Variants in ADD3 observed in about 807,000 individuals in gnomAD.
ADD3 encodes adducin 3, also known as gamma-adducin.
A neutral mutation model predicts 80.2 loss-of-function variants in ADD3; 25 were observed. That is an observed-to-expected ratio of 0.31 (90% confidence interval 0.23 to 0.44). The LOEUF is 0.44. ADD3 is among the 20% of genes least tolerant of loss of function. The pLI, the probability that ADD3 is intolerant of heterozygous loss-of-function variation, is 1.00. For synonymous variants in ADD3, 284 were observed against 289.6 expected (o/e 0.98, Z 0.20); for missense variants, 829 against 847.5 (o/e 0.98, Z 0.27).
chr10:110,095,112 C>G (rs1564967554), intron 1 of ADD3, among the ~76,000 whole-genome samples: 6 of 152,172 alleles, frequency 3.9e-5, no homozygotes, highest in Non-Finnish European at 8.8e-5. Flanking sequence ...CTTAATTCAG[C>G]CCCCATTTAT....
Position 110,124,142 on chromosome 10 carries a change from T to G in ADD3, c.1269T>G (p.Ser423=). The G allele has an allele frequency of 6.2e-7, 1 of 1,614,112 alleles. No homozygotes were observed. The highest frequency in any genetic ancestry group is 8.5e-7 in the Non-Finnish European group (1 of 1,180,006). The part of the protein sequence containing the change: ...FSFEDDTVPL[S]PLKYMAQRQQ... ...TTGAAGACGATACAGTGCCACTCTC[T>G]CCTCTCAAATACATGGCACAGAGGC... The change falls in exon 10 of 15, where the codon TCT becomes TCG. Residue 423 remains serine (S), a synonymous_variant. Transcript: ENST00000356080.
At chr10:110,131,567 A>G (rs1852998930) in intron 13 of ADD3, among the ~76,000 whole-genome samples, 1 of 152,272 alleles carries the variant, frequency 6.6e-6, no homozygotes. Context: ...TCATTTAGGA[A>G]GAACTAATGA....
chr10:110,109,697 T>C (rs1426065442), intron 2 of ADD3, among the ~76,000 whole-genome samples: 2 of 152,224 alleles, frequency 1.3e-5, no homozygotes, highest in African/African-American at 4.8e-5. Context: ...AAAGAGCAGA[T>C]TGGCCCATTG....
intron 4 of ADD3, 76 bp downstream of exon 4, chr10:110,116,486 T>C: frequency 6.8e-7 from 1 of 1,463,272 alleles, no homozygotes; most frequent in Non-Finnish European, 9.4e-7. Flanking sequence ...TACCTTTACC[T>C]GGAAGTCCAG....
At chr10:110,006,402 C>T (rs937707164), upstream of ADD3, among the ~76,000 whole-genome samples, 1 of 151,982 alleles carries the variant, frequency 6.6e-6, no homozygotes, top group African/African-American at 2.4e-5. Flanking sequence ...CATTTTTTTG[C>T]TTTTTAAATG....
intron 1 of ADD3, among the ~76,000 whole-genome samples, chr10:110,013,469 A>G (rs1009944697): frequency 3.9e-5 from 6 of 152,184 alleles, no homozygotes; most frequent in African/African-American, 1.2e-4. Flanking sequence ...TGCAATTTCC[A>G]TAGGATAAAC....
chr10:110,084,519 T>C (rs930816476), intron 1 of ADD3, among the ~76,000 whole-genome samples: 11 of 152,240 alleles, frequency 7.2e-5, no homozygotes, highest in Non-Finnish European at 1.5e-4. Context: ...TACAGTCTTA[T>C]GTATCTCATT....
chr10:110,003,302 G>GGGGTGGGTGTGTGTGT (rs140966434), upstream of ADD3, among the ~76,000 whole-genome samples: 1 of 146,942 alleles, frequency 6.8e-6, no homozygotes, highest in African/African-American at 2.6e-5. Flanking sequence ...GAACAGTAAG[G>GGGGTGGGTGTGTGTGT]GTGTGTGTGT....
chr10:110,076,518 T>A (rs572960274), intron 1 of ADD3, among the ~76,000 whole-genome samples: 73 of 152,290 alleles, frequency 4.8e-4, no homozygotes, highest in Non-Finnish European at 8.4e-4. Flanking sequence ...TAGTTGATAA[T>A]AAAACGTTTT....
intron 1 of ADD3, among the ~76,000 whole-genome samples, chr10:110,058,675 C>G (rs1858507261): frequency 6.6e-6 from 1 of 152,146 alleles, no homozygotes; most frequent in South Asian, 2.1e-4. Context: ...TGCTCACCAC[C>G]TCCTCTCTTT....
At chr10:110,116,710 A>G (rs1850775168) in intron 4 of ADD3, among the ~76,000 whole-genome samples, 1 of 152,244 alleles carries the variant, frequency 6.6e-6, no homozygotes, top group Admixed American at 6.5e-5. Context: ...ATTATGTCTG[A>G]GCATCAGTGG....
chr10:110,079,484 G>A (rs1404183898), intron 1 of ADD3, among the ~76,000 whole-genome samples: 1 of 151,408 alleles, frequency 6.6e-6, no homozygotes, highest in East Asian at 1.9e-4. Context: ...GTGTGTGTGT[G>A]TGTGTGTGTG....
intron 1 of ADD3, among the ~76,000 whole-genome samples, chr10:110,043,990 C>T (rs1259080192): frequency 3.3e-5 from 5 of 152,034 alleles, no homozygotes; most frequent in African/African-American, 7.2e-5. Context: ...GGGCGGATCA[C>T]GAGGTCAAGA....
chr10:110,115,984 C>A (rs1850687095), intron 3 of ADD3, among the ~76,000 whole-genome samples: 1 of 152,134 alleles, frequency 6.6e-6, no homozygotes, highest in Admixed American at 6.5e-5. Context: ...AACCATTTTT[C>A]CCCAGTGGTG....
Position 110,032,534 on chromosome 10 carries a change from A to G in ADD3, c.-30+24235A>G, listed in dbSNP as rs1169026098. ...AATTCAGAGTGCATAGTATTTGTAC[A>G]TGTACATGCATATTGTATTTATAAT... On this transcript the variant is annotated intron_variant, in intron 1 of 14. Coordinates refer to ENST00000356080, the MANE Select transcript of ADD3 (RefSeq NM_016824.5). Among the ~76,000 whole-genome samples, 5 of 152,258 alleles carry G rather than the reference A, an allele frequency of 3.3e-5. No homozygotes were observed. The South Asian group carries it at 1.0e-3, about 31-fold the overall frequency.
intron 1 of ADD3, among the ~76,000 whole-genome samples, chr10:110,087,429 A>T (rs1288631783): frequency 6.6e-6 from 1 of 152,238 alleles, no homozygotes; most frequent in East Asian, 1.9e-4. Flanking sequence ...TTCCGCTATG[A>T]TGGAAGCAGT....
rs780037874 is a variant in ADD3 at position 110,133,403 on chromosome 10, C to T, written c.1906C>T (p.His636Tyr). Residue 636 changes from histidine (H) to tyrosine (Y), a missense_variant, in exon 15 of 15, where the codon CAT becomes TAT. His to Tyr is a moderately conservative substitution (Grantham distance 83). Coordinates refer to ENST00000356080, the MANE Select transcript of ADD3 (RefSeq NM_016824.5). ...VMVVNGKDDM[H>Y]DVEDELAKRV... ...GGTAGTAAATGGCAAGGATGATATG[C>T]ATGATGTTGAAGATGAGCTTGCTAA... 114 of 1,613,192 alleles carry T rather than the reference C, an allele frequency of 7.1e-5. No homozygotes were observed. The highest frequency in any genetic ancestry group is 9.3e-5 in the Non-Finnish European group (110 of 1,179,402).
chr10:110,034,313 CTT>C (rs1855392227), intron 1 of ADD3, among the ~76,000 whole-genome samples: 1 of 151,736 alleles, frequency 6.6e-6, no homozygotes, highest in Non-Finnish European at 1.5e-5. Context: ...TGGGGTATGT[CTT>C]TGAATTGATA....
chr10:110,063,851 C>G (rs1843581830), intron 1 of ADD3, among the ~76,000 whole-genome samples: 1 of 145,906 alleles, frequency 6.9e-6, no homozygotes, highest in Non-Finnish European at 1.5e-5. Context: ...GCTCTGGGTT[C>G]TCAGGCATTT....
Sources: gnomAD v4.1 joint callset for allele counts (sites outside exome capture counted in the v4.1 genomes callset) on GRCh38, gnomAD v4.1.1 for gene constraint, MANE v1.5 for transcripts, NCBI Gene and HGNC (gene_info 2026-07-23, HGNC 2026-07-21) for gene names.